The following WDFY3 variants were observed in gnomAD, a reference collection of about 807,000 sequenced individuals.
WDFY3 encodes the protein WD repeat and FYVE domain-containing protein 3.
A neutral mutation model predicts 409.6 loss-of-function variants in WDFY3; 66 were observed. That is an observed-to-expected ratio of 0.16 (90% CI 0.13 to 0.20). The LOEUF is 0.20. Ranked by LOEUF, WDFY3 falls within the 10% of genes least tolerant of loss-of-function variation. WDFY3 has a pLI of 1.00. For missense variants in WDFY3, 3,031 were observed against 4,298.1 expected, an observed-to-expected ratio of 0.71 and a Z score of 8.24; for synonymous variants, 1,521 against 1,537.1, an observed-to-expected ratio of 0.99 and a Z score of 0.25.
intron 63 of WDFY3, among the ~76,000 whole-genome samples, chr4:84,683,622 C>T (rs1344510351): frequency 6.6e-6 from 1 of 152,164 alleles, no homozygotes; most frequent in Non-Finnish European, 1.5e-5. Context: ...AGCCATTTGA[C>T]AGGCTGAAAA....
chr4:84,772,207 A>G (rs1292414244), intron 30 of WDFY3, among the ~76,000 whole-genome samples: 1 of 152,148 alleles, frequency 6.6e-6, no homozygotes. Context: ...GGTCAACCTA[A>G]AAAAAGGTCC....
chr4:84,961,616 G>A lies in WDFY3; in HGVS notation c.-226+4593C>T, dbSNP rs192497124. ...CAACAAACAGCCTTTAAAGGCTGCA[G>A]CCTTCATAGTGAGATCATAACTGAT... On this transcript the variant is annotated intron_variant, in intron 1 of 67. Coordinates refer to ENST00000295888, the MANE Select transcript of WDFY3 (RefSeq NM_014991.6). Among the ~76,000 whole-genome samples, 446 of 152,178 alleles carry A rather than the reference G, an allele frequency of 2.9e-3. 7 individuals carry two copies. Among genetic ancestry groups the A allele is most frequent in the Non-Finnish European group, 1.2e-3 (84 of 68,010 alleles).
intron 52 of WDFY3, 88 bp from the exon 53 acceptor site, chr4:84,709,116 G>T: frequency 6.6e-7 from 1 of 1,524,110 alleles, no homozygotes; most frequent in Non-Finnish European, 8.9e-7. Flanking sequence ...ATGATGTAAA[G>T]GACAGTTTCT....
At chr4:84,768,572 G>A (rs1057331127) in intron 30 of WDFY3, among the ~76,000 whole-genome samples, 2 of 152,216 alleles carry the variant, frequency 1.3e-5, no homozygotes, top group Non-Finnish European at 1.5e-5. Context: ...CTTACAGTAC[G>A]GTTTACTGAA....
chr4:84,686,508 A>G (rs1291095224), intron 62 of WDFY3, among the ~76,000 whole-genome samples: 2 of 152,114 alleles, frequency 1.3e-5, no homozygotes, highest in Non-Finnish European at 2.9e-5. Flanking sequence ...ATAGTTGACT[A>G]AAAGTGTTAA....
chr4:84,719,500 A>G (rs1479164359), intron 47 of WDFY3, among the ~76,000 whole-genome samples: 1 of 152,212 alleles, frequency 6.6e-6, no homozygotes, highest in Non-Finnish European at 1.5e-5. Flanking sequence ...AAGCAACCAG[A>G]GCAAAAACTG....
chr4:84,955,343 TGAATTACCCTGTG>T (rs1266973076), intron 1 of WDFY3, among the ~76,000 whole-genome samples: 1 of 152,214 alleles, frequency 6.6e-6, no homozygotes. Context: ...GGGCTGTGAA[TGAATTACCCTGTG>T]GAAACAATCA....
Position 84,737,208 on chromosome 4 carries a change from G to T in WDFY3, c.6733C>A (p.Leu2245Met), listed in dbSNP as rs778970725. Reference protein sequence around the residue: ...TARPLIEEAALKCWQNHLAHE... With the variant: ...TARPLIEEAAMKCWQNHLAHE... ...CCCAAATGATTCTGCCAGCACTTCAGGGCAGCTTCTTCAATGAGTGGCCTT... is the reference window on the plus strand; with the variant it reads ...CCCAAATGATTCTGCCAGCACTTCATGGCAGCTTCTTCAATGAGTGGCCTT... The change falls in exon 41 of 68, where the codon CTG becomes ATG. Residue 2245 changes from leucine to methionine, a missense_variant. By Grantham distance (15) the Leu-to-Met change is conservative. Transcript: ENST00000295888. 49 of 1,613,982 alleles carry T rather than the reference G, an allele frequency of 3.0e-5. No homozygotes were observed. The highest frequency in any genetic ancestry group is 3.8e-5 in the Non-Finnish European group (45 of 1,180,006).
chr4:84,816,820 C>T (rs985257701), intron 13 of WDFY3, among the ~76,000 whole-genome samples: 1 of 151,956 alleles, frequency 6.6e-6, no homozygotes, highest in African/African-American at 2.4e-5. Flanking sequence ...ATCTGGGGGT[C>T]GGTTCTACTA....
Position 84,733,437 on chromosome 4 carries a change from A to G in WDFY3, c.7166T>C (p.Met2389Thr), listed in dbSNP as rs186418626. Residue 2389 changes from methionine to threonine, a missense_variant, in exon 44 of 68, where the codon ATG (methionine) becomes ACG (threonine). By Grantham distance (81) the Met-to-Thr change is moderately conservative. Around this residue, in one of 16 missense-constraint regions of WDFY3, gnomAD observed 98 missense variants for 194.9 expected, o/e 0.50. Coordinates refer to ENST00000295888, the MANE Select transcript of WDFY3 (RefSeq NM_014991.6). ...RMRKKMVRND[M>T]FYNHYPYVPE... ...CACGTAAGGGTAATGGTTATAAAACATATCATTTCGCACCATCTTTTTCCT... is the reference window on the plus strand; with the variant it reads ...CACGTAAGGGTAATGGTTATAAAACGTATCATTTCGCACCATCTTTTTCCT... 331 of 1,614,066 alleles carry G rather than the reference A, an allele frequency of 2.1e-4. 2 individuals are homozygous for G. The East Asian group carries it at 4.9e-3, about 24-fold the overall frequency.
At chr4:84,753,936 T>C in intron 34 of WDFY3, 60 bp from the exon 35 acceptor site, 2 of 1,446,790 alleles carry the variant, frequency 1.4e-6, no homozygotes, top group Non-Finnish European at 1.8e-6. Context: ...CTATAAATTA[T>C]TTTAAAAATC....
chr4:84,677,479 G>T (rs2148730460), intron 66 of WDFY3, 83 bp from the exon 67 acceptor site: 1 of 1,381,234 alleles, frequency 7.2e-7, no homozygotes, highest in South Asian at 1.5e-5. Context: ...TTTGGTGGAT[G>T]TGTGTTTTGA....
rs779277694 is a variant in WDFY3 at position 84,809,976 on chromosome 4, T to G, written c.2256A>C (p.Val752=). The G allele has an allele frequency of 6.2e-7, 1 of 1,614,178 alleles. No individual in the cohort carries two copies. The highest frequency in any genetic ancestry group is 1.1e-5 in the South Asian group (1 of 91,080). Residue 752 remains valine (V), a synonymous_variant, in exon 14 of 68, where the codon GTA becomes GTC. Coordinates refer to ENST00000295888, the MANE Select transcript of WDFY3 (RefSeq NM_014991.6). ...TGGGTGACACTGATTCTATTGAGAT[T>G]ACATCTTCCTCTAAAAGTCTTTGAA... ...QPFQRLLEED[V]ISIESVSPTL...
chr4:84,841,935 T>C (rs988653849), intron 5 of WDFY3, among the ~76,000 whole-genome samples: 1 of 152,032 alleles, frequency 6.6e-6, no homozygotes, highest in Non-Finnish European at 1.5e-5. Context: ...AAATAAGAGG[T>C]TTCCTAAGTA....
Position 84,724,604 on chromosome 4 carries a change from G to T in WDFY3, c.7273-10C>A, listed in dbSNP as rs1735357670. ...TATATCGAGCAGGTTTCTAAGAAAT[G>T]ACAAAAGAAAATGACTCCGATAACT... On this transcript the variant is annotated splice_polypyrimidine_tract_variant and intron_variant, in intron 45 of 67. Coordinates refer to ENST00000295888, the MANE Select transcript of WDFY3 (RefSeq NM_014991.6). 1 of 1,601,238 alleles carries T rather than the reference G, an allele frequency of 6.2e-7. No individual in the cohort carries two copies. Among genetic ancestry groups the T allele is most frequent in the Non-Finnish European group, 8.5e-7 (1 of 1,175,234 alleles).
chr4:84,818,095 G>A (rs1753567131), intron 12 of WDFY3, among the ~76,000 whole-genome samples: 1 of 152,156 alleles, frequency 6.6e-6, no homozygotes, highest in Non-Finnish European at 1.5e-5. Context: ...ACAGAAGTAT[G>A]TGTCATTGTT....
chr4:84,830,824 C>T (rs547529912), intron 8 of WDFY3, among the ~76,000 whole-genome samples: 4 of 152,256 alleles, frequency 2.6e-5, no homozygotes, highest in African/African-American at 9.6e-5. Flanking sequence ...GAAGAATAGG[C>T]TGTGACACAG....
chr4:84,817,773 T>C (rs574273169), intron 12 of WDFY3, among the ~76,000 whole-genome samples, 188 bp from the exon 13 acceptor site: 1 of 152,328 alleles, frequency 6.6e-6, no homozygotes, highest in South Asian at 2.1e-4. Context: ...CAAAGGTATA[T>C]GCAAATTTTC....
intron 64 of WDFY3, among the ~76,000 whole-genome samples, chr4:84,679,941 A>G (rs1267965314): frequency 6.6e-6 from 1 of 151,680 alleles, no homozygotes; most frequent in Non-Finnish European, 1.5e-5. Context: ...CCCAGGCTGG[A>G]GTGCAGTGGC....
Sources: allele counts gnomAD v4.1 joint callset (sites outside exome capture counted in the v4.1 genomes callset), GRCh38; gene constraint gnomAD v4.1.1; regional missense constraint gnomAD v4.1.1; transcripts MANE v1.5; gene names NCBI Gene and HGNC (gene_info 2026-07-23, HGNC 2026-07-21).